The following TSPAN12 variants were observed in gnomAD, a reference collection of about 807,000 sequenced individuals.
TSPAN12 encodes the protein tetraspanin 12.
TSPAN12 carries 19 observed loss-of-function variants against 39.2 expected under a neutral mutation model. The observed-to-expected ratio is 0.49, with a 90% CI of 0.34 to 0.71. TSPAN12 has a LOEUF of 0.71. Among genes scored for constraint, TSPAN12 ranks in the 30% least tolerant of loss-of-function variants. The pLI is 0.01. For missense variants in TSPAN12, 314 were observed against 359.9 expected, an observed-to-expected ratio of 0.87 and a Z score of 1.03; for synonymous variants, 119 against 124.8, an observed-to-expected ratio of 0.95 and a Z score of 0.31.
At chr7:120,838,224 A>C (rs1433588301) in intron 4 of TSPAN12, among the ~76,000 whole-genome samples, 1 of 152,240 alleles carries the variant, frequency 6.6e-6, no homozygotes, top group Non-Finnish European at 1.5e-5. Flanking sequence ...TTGAATTAAA[A>C]GACTAGTCAC....
chr7:120,793,819 A>C (rs1173182255), intron 7 of TSPAN12, among the ~76,000 whole-genome samples: 1 of 152,268 alleles, frequency 6.6e-6, no homozygotes, highest in African/African-American at 2.4e-5. Flanking sequence ...ATTGGAAAAC[A>C]CCATAAGAAA....
chr7:120,797,511 A>C (rs1167879413), intron 7 of TSPAN12, among the ~76,000 whole-genome samples: 1 of 152,212 alleles, frequency 6.6e-6, no homozygotes, highest in African/African-American at 2.4e-5. Context: ...CACTTTCTTT[A>C]ATTAGTACAC....
At chr7:120,814,766 A>C (rs1443948793) in intron 5 of TSPAN12, among the ~76,000 whole-genome samples, 2 of 152,334 alleles carry the variant, frequency 1.3e-5, no homozygotes, top group Non-Finnish European at 2.9e-5. Flanking sequence ...AAGTTGTCCC[A>C]ACCATTTCAA....
chr7:120,857,280 C>T (rs568218861), intron 1 of TSPAN12: 66 of 248,360 alleles, frequency 2.7e-4, no homozygotes, highest in African/African-American at 1.3e-3. Context: ...GAATGAGCGC[C>T]CTTCTAGTTA....
chr7:120,838,727 T>C lies in TSPAN12; in HGVS notation c.285+50A>G, dbSNP rs772738184. 5.7e-6 allele frequency: 9 copies of C among 1,573,636 alleles called. No homozygotes were observed. In the African/African-American group the frequency reaches 1.1e-4, roughly 19 times the overall value. On this transcript the variant is annotated intron_variant, in intron 4 of 7. Transcript: ENST00000222747. Reference sequence around the variant, plus strand: ...TGTGAACTGATTAAAAAATAATATATTACTGGTTAATCTTTTTAACTATAA... The same window carrying C: ...TGTGAACTGATTAAAAAATAATATACTACTGGTTAATCTTTTTAACTATAA...
chr7:120,850,317 G>A (rs1794747035), intron 2 of TSPAN12, among the ~76,000 whole-genome samples: 1 of 152,186 alleles, frequency 6.6e-6, no homozygotes, highest in African/African-American at 2.4e-5. Context: ...TGTTGTTTGG[G>A]CATAATTCTT....
chr7:120,799,830 A>T (rs1793727554), intron 7 of TSPAN12, among the ~76,000 whole-genome samples: 1 of 138,528 alleles, frequency 7.2e-6, no homozygotes, highest in Non-Finnish European at 1.5e-5. Flanking sequence ...TAATATATTA[A>T]TTATATTAAT....
intron 4 of TSPAN12, among the ~76,000 whole-genome samples, chr7:120,826,881 C>T (rs76477739): frequency 6.6e-6 from 1 of 152,058 alleles, no homozygotes; most frequent in African/African-American, 2.4e-5. Context: ...CACCACCATG[C>T]CCGGCTAATT....
intron 7 of TSPAN12, among the ~76,000 whole-genome samples, chr7:120,801,729 C>G (rs115941456): frequency 3.0e-4 from 46 of 152,224 alleles, no homozygotes; most frequent in African/African-American, 1.1e-3. Context: ...AGGTAGCACA[C>G]AGAGGAGTAA....
At chr7:120,814,575 C>A (rs1231733533) in intron 5 of TSPAN12, among the ~76,000 whole-genome samples, 1 of 152,162 alleles carries the variant, frequency 6.6e-6, no homozygotes, top group Non-Finnish European at 1.5e-5. Context: ...CACAGACATG[C>A]AAAAGTGTTC....
intron 4 of TSPAN12, among the ~76,000 whole-genome samples, chr7:120,829,190 A>G (rs1794344283): frequency 1.3e-5 from 2 of 152,194 alleles, no homozygotes; most frequent in South Asian, 4.1e-4. Context: ...CTAAGCTGAG[A>G]AAATTTATCT....
In TSPAN12 at chr7:120,856,819, C is replaced by T; in HGVS notation, c.-56G>A. ...TTTCACCACATCCTACTCCCAAGGG[C>T]AAAACGGCAGCGATCTGCAGGGGGC... On this transcript the variant is annotated 5_prime_UTR_variant, in exon 2 of 8. Coordinates refer to ENST00000222747, the MANE Select transcript of TSPAN12 (RefSeq NM_012338.4). 1.3e-6 allele frequency: 2 copies of T among 1,594,606 alleles called. No homozygotes were observed. Among genetic ancestry groups the T allele is most frequent in the Non-Finnish European group, 1.7e-6 (2 of 1,162,268 alleles).
intron 6 of TSPAN12, among the ~76,000 whole-genome samples, chr7:120,807,490 T>A (rs1338300338): frequency 6.6e-6 from 1 of 152,104 alleles, no homozygotes; most frequent in Admixed American, 6.6e-5. Context: ...TAATTTTCTG[T>A]CCTTGAGTGG....
chr7:120,846,315 C>T (rs1193501693), intron 2 of TSPAN12, among the ~76,000 whole-genome samples: 6 of 152,162 alleles, frequency 3.9e-5, no homozygotes, highest in Non-Finnish European at 7.3e-5. Flanking sequence ...AATTATTTTA[C>T]AGTTATAAAA....
chr7:120,822,238 A>T (rs1794201303), intron 4 of TSPAN12, among the ~76,000 whole-genome samples: 2 of 152,128 alleles, frequency 1.3e-5, no homozygotes, highest in Non-Finnish European at 2.9e-5. Context: ...GTTATTTAAC[A>T]TCACTATATG....
chr7:120,799,546 A>AATTATATATAATTAAATATAAT (rs1180544098), intron 7 of TSPAN12, among the ~76,000 whole-genome samples: 2 of 103,738 alleles, frequency 1.9e-5, no homozygotes, highest in African/African-American at 8.2e-5. Context: ...ATATATAATT[A>AATTATATATAATTAAATATAAT]TATATATAAT....
chr7:120,800,743 C>CAT lies in TSPAN12; in HGVS notation c.612+5805_612+5806insAT, dbSNP rs1204361347. On this transcript the variant is annotated intron_variant, in intron 7 of 7. Transcript: ENST00000222747. ...CCTGCTGAAATAAAGTTTTCCTTAT[C>CAT]GTTTTTTTTTGTTTTTTTTTTTTGA... Among the ~76,000 whole-genome samples the CAT allele has an allele frequency of 2.4e-5, 2 of 84,206 alleles. 1 individual carries two copies. Among genetic ancestry groups the CAT allele is most frequent in the Non-Finnish European group, 5.5e-5 (2 of 36,510 alleles). 55.2% of individuals were successfully genotyped at this position (84,206 alleles called of 152,430 possible).
chr7:120,789,896 A>G (rs1263139351), intron 7 of TSPAN12, among the ~76,000 whole-genome samples: 1 of 152,104 alleles, frequency 6.6e-6, no homozygotes, highest in Non-Finnish European at 1.5e-5. Flanking sequence ...TTGTGTATAC[A>G]GTAAAGAAAC....
At chr7:120,849,763 G>A (rs963084746) in intron 2 of TSPAN12, among the ~76,000 whole-genome samples, 1 of 152,122 alleles carries the variant, frequency 6.6e-6, no homozygotes, top group African/African-American at 2.4e-5. Context: ...TTTTTCTGGT[G>A]TTTTTTTCTG....
Sources: gnomAD v4.1 joint callset for allele counts (sites outside exome capture counted in the v4.1 genomes callset) on GRCh38, gnomAD v4.1.1 for gene constraint, MANE v1.5 for transcripts, NCBI Gene and HGNC (gene_info 2026-07-23, HGNC 2026-07-21) for gene names.